The following EBF1 variants were observed in gnomAD, a reference collection of about 807,000 sequenced individuals.
EBF1 encodes EBF transcription factor 1.
In EBF1, 10 loss-of-function variants were observed where a neutral mutation model predicts 68.4. The observed-to-expected ratio is 0.15, with a 90% CI of 0.09 to 0.25. The LOEUF is 0.25. Ranked by LOEUF, EBF1 falls within the 10% of genes least tolerant of loss-of-function variation. The probability of loss-of-function intolerance (pLI) is 1.00; values close to 1 mark genes in which losing one functional copy is unlikely to be tolerated. For missense variants in EBF1, 509 were observed against 794.4 expected, an observed-to-expected ratio of 0.64 and a Z score of 4.32; for synonymous variants, 298 against 299.8, an observed-to-expected ratio of 0.99 and a Z score of 0.06.
At chr5:158,976,755 T>A (rs1485875192) in intron 6 of EBF1, among the ~76,000 whole-genome samples, 1 of 152,236 alleles carries the variant, frequency 6.6e-6, no homozygotes, top group African/African-American at 2.4e-5. Context: ...TCTAATAGTT[T>A]CAAGCACTAT....
intron 10 of EBF1, 51 bp downstream of exon 10, chr5:158,777,362 A>G: frequency 2.0e-6 from 3 of 1,503,072 alleles, no homozygotes; most frequent in Non-Finnish European, 2.7e-6. Context: ...AAGGGGAAAG[A>G]CCCCACAAGA....
At chr5:158,708,896 G>A (rs532610605) in intron 14 of EBF1, among the ~76,000 whole-genome samples, 12 of 152,200 alleles carry the variant, frequency 7.9e-5, no homozygotes, top group Non-Finnish European at 1.6e-4. Context: ...AGTAGGATCA[G>A]AGCCTTACAT....
At chr5:158,856,321 G>A (rs909594740) in intron 6 of EBF1, among the ~76,000 whole-genome samples, 2 of 152,186 alleles carry the variant, frequency 1.3e-5, no homozygotes, top group Admixed American at 1.3e-4. Context: ...AGAGTGTTTT[G>A]AGTGTTATTT....
intron 10 of EBF1, among the ~76,000 whole-genome samples, chr5:158,770,746 T>C (rs1773705728): frequency 6.6e-6 from 1 of 152,112 alleles, no homozygotes; most frequent in Non-Finnish European, 1.5e-5. Context: ...GGTTAGCTCT[T>C]TGTCATCCTT....
intron 7 of EBF1, among the ~76,000 whole-genome samples, chr5:158,836,804 C>A (rs1405058444): frequency 1.3e-5 from 2 of 152,122 alleles, no homozygotes; most frequent in African/African-American, 4.8e-5. Flanking sequence ...ACCTGAGACC[C>A]AATAAGGAAT....
chr5:159,052,171 A>C (rs571337495), intron 6 of EBF1, among the ~76,000 whole-genome samples: 1 of 152,198 alleles, frequency 6.6e-6, no homozygotes, highest in African/African-American at 2.4e-5. Context: ...GTTAAAAATC[A>C]TTTAGCTGAG....
intron 6 of EBF1, among the ~76,000 whole-genome samples, chr5:159,044,551 C>T (rs1771928863): frequency 1.3e-5 from 2 of 152,136 alleles, no homozygotes; most frequent in African/African-American, 2.4e-5. Context: ...CTAATCATTC[C>T]TCTCTCTTCC....
intron 6 of EBF1, among the ~76,000 whole-genome samples, chr5:158,924,478 C>G (rs1809154805): frequency 6.6e-6 from 1 of 152,170 alleles, no homozygotes; most frequent in African/African-American, 2.4e-5. Flanking sequence ...TCTCCCCACA[C>G]CAGCCACAGC....
At chr5:158,944,692 A>G (rs1320650449) in intron 6 of EBF1, among the ~76,000 whole-genome samples, 1 of 152,186 alleles carries the variant, frequency 6.6e-6, no homozygotes, top group Non-Finnish European at 1.5e-5. Context: ...CCAACAGTGT[A>G]AAAGTGTTCC....
intron 6 of EBF1, among the ~76,000 whole-genome samples, chr5:158,874,387 G>T (rs556300613): frequency 3.3e-4 from 50 of 152,250 alleles, no homozygotes; most frequent in Admixed American, 2.0e-3. Flanking sequence ...TGGCAGAAAA[G>T]GGAAAGGAGA....
intron 1 of EBF1, among the ~76,000 whole-genome samples, chr5:159,098,448 C>T (rs1783038757): frequency 6.6e-6 from 1 of 151,660 alleles, no homozygotes; most frequent in Non-Finnish European, 1.5e-5. Flanking sequence ...TAAGAAAAAA[C>T]TGAAAGACAG....
At chr5:158,791,579 C>CTT (rs11388240) in intron 9 of EBF1, among the ~76,000 whole-genome samples, 1 of 147,938 alleles carries the variant, frequency 6.8e-6, no homozygotes, top group African/African-American at 2.5e-5. Context: ...CACCATTGTA[C>CTT]TTTTTTTTTT....
intron 8 of EBF1, among the ~76,000 whole-genome samples, chr5:158,803,372 T>C (rs1780980318): frequency 9.2e-6 from 1 of 109,250 alleles, no homozygotes; most frequent in Admixed American, 9.8e-5. Flanking sequence ...TTTTTTTTTT[T>C]CAGTGAATGA....
chr5:158,943,973 C>G (rs1434830021), intron 6 of EBF1, among the ~76,000 whole-genome samples: 2 of 152,166 alleles, frequency 1.3e-5, no homozygotes, highest in Non-Finnish European at 2.9e-5. Context: ...CCGGACTGCG[C>G]CTTCCTAGAC....
chr5:158,855,254 C>T (rs1008374657), intron 6 of EBF1, among the ~76,000 whole-genome samples: 4 of 152,196 alleles, frequency 2.6e-5, no homozygotes, highest in African/African-American at 7.2e-5. Flanking sequence ...TAAAAACAGG[C>T]TATACCTTTT....
chr5:158,887,485 C>T (rs1800289858), intron 6 of EBF1, among the ~76,000 whole-genome samples: 1 of 152,214 alleles, frequency 6.6e-6, no homozygotes, highest in African/African-American at 2.4e-5. Flanking sequence ...TAGTGAGCTT[C>T]ACGCTAAGGC....
intron 6 of EBF1, among the ~76,000 whole-genome samples, chr5:158,907,136 G>A (rs1370049144): frequency 1.3e-5 from 2 of 152,140 alleles, no homozygotes; most frequent in Non-Finnish European, 2.9e-5. Flanking sequence ...CTAGATACTG[G>A]GAGTATGATA....
intron 10 of EBF1, among the ~76,000 whole-genome samples, chr5:158,739,339 T>G (rs1765829527): frequency 6.6e-6 from 1 of 152,226 alleles, no homozygotes. Context: ...GCTCTCTAAG[T>G]GTACTACAGT....
At chr5:159,041,648 G>A (rs1051581235) in intron 6 of EBF1, among the ~76,000 whole-genome samples, 38 of 152,166 alleles carry the variant, frequency 2.5e-4, no homozygotes, top group African/African-American at 9.2e-4. Context: ...CTGCACAGAG[G>A]TTGACATTCA....
Sources: gnomAD v4.1 joint callset for allele counts (sites outside exome capture counted in the v4.1 genomes callset) on GRCh38, gnomAD v4.1.1 for gene constraint, MANE v1.5 for transcripts, NCBI Gene and HGNC (gene_info 2026-07-23, HGNC 2026-07-21) for gene names.